Variants in ACACA observed in about 807,000 individuals in gnomAD.
ACACA encodes the protein acetyl-CoA carboxylase 1.
Under a neutral mutation model 296.1 loss-of-function variants are expected in ACACA, and 103 were observed. The observed-to-expected ratio is 0.35, with a 90% CI of 0.30 to 0.41. The LOEUF (loss-of-function observed/expected upper bound fraction) is 0.41. ACACA is among the 10% of genes least tolerant of loss of function. ACACA has a pLI of 1.00. For missense variants in ACACA, 1,554 were observed against 2,989.7 expected (o/e 0.52, Z 11.20); for synonymous variants, 953 against 1,038.6 (o/e 0.92, Z 1.58).
chr17:37,403,921 C>T (rs993908180), intron 1 of ACACA, among the ~76,000 whole-genome samples: 13 of 152,190 alleles, frequency 8.5e-5, no homozygotes, highest in African/African-American at 2.9e-4. Context: ...TACAGGCATG[C>T]GCCACCACAC....
chr17:37,132,725 C>G (rs532823746), intron 45 of ACACA, among the ~76,000 whole-genome samples: 11 of 152,270 alleles, frequency 7.2e-5, no homozygotes, highest in African/African-American at 2.4e-4. Flanking sequence ...CACTTAGAAT[C>G]TTACACATCT....
At chr17:37,184,638 C>A (rs1036407340) in intron 39 of ACACA, among the ~76,000 whole-genome samples, 1 of 152,076 alleles carries the variant, frequency 6.6e-6, no homozygotes, top group African/African-American at 2.4e-5. Context: ...TCCCATGAAT[C>A]CAGGAGTTTG....
chr17:37,288,333 C>G (rs1329953537), intron 3 of ACACA, among the ~76,000 whole-genome samples: 1 of 152,108 alleles, frequency 6.6e-6, no homozygotes, highest in East Asian at 1.9e-4. Flanking sequence ...GGATCATTAT[C>G]AGTGTATCAG....
At chr17:37,140,416 C>T (rs1411889933) in intron 45 of ACACA, among the ~76,000 whole-genome samples, 1 of 151,786 alleles carries the variant, frequency 6.6e-6, no homozygotes, top group Admixed American at 6.6e-5. Context: ...TAAAAATTCC[C>T]CACCTCCTAT....
intron 52 of ACACA, among the ~76,000 whole-genome samples, chr17:37,105,855 ACT>A (rs1283180383): frequency 7.5e-6 from 1 of 133,446 alleles, no homozygotes; most frequent in African/African-American, 3.5e-5. Flanking sequence ...CAAGAGCGAA[ACT>A]CTGTCTCAAA....
chr17:37,103,663 G>A (rs901875859), intron 52 of ACACA, among the ~76,000 whole-genome samples: 1 of 151,974 alleles, frequency 6.6e-6, no homozygotes, highest in Non-Finnish European at 1.5e-5. Context: ...ACTGCCTGAA[G>A]CCAGGATTTC....
chr17:37,124,296 G>C (rs2074671480), intron 48 of ACACA, among the ~76,000 whole-genome samples: 1 of 152,202 alleles, frequency 6.6e-6, no homozygotes, highest in Non-Finnish European at 1.5e-5. Context: ...AATAAACAAT[G>C]ACAGAGCTAA....
intron 8 of ACACA, chr17:37,274,644 T>G: frequency 1.0e-6 from 1 of 985,444 alleles, no homozygotes; most frequent in Non-Finnish European, 1.2e-6. Context: ...TGTTCAGGCC[T>G]GCTCCAGGGC....
chr17:37,304,789 C>CA (rs34671149), intron 3 of ACACA, among the ~76,000 whole-genome samples: 40,876 of 134,734 alleles, frequency 0.3, 6,594 homozygotes, highest in African/African-American at 0.45. Flanking sequence ...AACTCTGTCT[C>CA]AAAAAAAAAA....
intron 1 of ACACA, among the ~76,000 whole-genome samples, chr17:37,381,965 T>C (rs1018302270): frequency 2.6e-5 from 4 of 152,206 alleles, no homozygotes; most frequent in Non-Finnish European, 4.4e-5. Context: ...TATTGATATA[T>C]ATTTTGGTCG....
chr17:37,268,951 CT>C (rs905776159), intron 10 of ACACA, among the ~76,000 whole-genome samples: 9 of 148,216 alleles, frequency 6.1e-5, no homozygotes, highest in African/African-American at 1.5e-4. Flanking sequence ...ATTAACATGC[CT>C]TTTTTTTCTT....
intron 28 of ACACA, 79 bp downstream of exon 28, chr17:37,223,433 T>C: frequency 8.5e-7 from 1 of 1,182,996 alleles, no homozygotes; most frequent in Admixed American, 1.7e-5. Context: ...GAACTAGAAC[T>C]GACATGGCAG....
At chr17:37,296,783 G>A (rs2083356587) in intron 3 of ACACA, among the ~76,000 whole-genome samples, 1 of 151,830 alleles carries the variant, frequency 6.6e-6, no homozygotes, top group Non-Finnish European at 1.5e-5. Context: ...GTAGCACAAT[G>A]TCAGGTCACT....
intron 1 of ACACA, among the ~76,000 whole-genome samples, chr17:37,400,656 T>G (rs2051249955): frequency 6.6e-6 from 1 of 152,200 alleles, no homozygotes; most frequent in African/African-American, 2.4e-5. Context: ...CTTAGCATAA[T>G]GTCCTCCAGG....
At chr17:37,184,320 A>G (rs1778362801) in intron 39 of ACACA, among the ~76,000 whole-genome samples, 1 of 152,206 alleles carries the variant, frequency 6.6e-6, no homozygotes, top group South Asian at 2.1e-4. Flanking sequence ...ATAAAGAACC[A>G]TCTAATATCT....
intron 27 of ACACA, among the ~76,000 whole-genome samples, chr17:37,223,871 G>C (rs1184844765): frequency 2.0e-5 from 3 of 152,200 alleles, no homozygotes; most frequent in African/African-American, 7.2e-5. Flanking sequence ...AAGTGTTTAT[G>C]ACTGTTATTC....
In ACACA at chr17:37,165,836, C is replaced by T. The variant is rs562701812; in HGVS notation, c.5080-3786G>A. On this transcript the variant is annotated intron_variant, in intron 41 of 55. Transcript: ENST00000616317. ...GACTACAGGCATGTGCCACCATACT[C>T]GGCCAATTTTTGCATTTTTTTGTAG... Among the ~76,000 whole-genome samples, 5 of 152,084 alleles carry T rather than the reference C, an allele frequency of 3.3e-5. No individual in the cohort carries two copies. In the South Asian group the frequency reaches 6.2e-4, roughly 19 times the overall value.
intron 1 of ACACA, among the ~76,000 whole-genome samples, chr17:37,379,752 A>C (rs538499861): frequency 6.2e-4 from 93 of 150,580 alleles, no homozygotes; most frequent in African/African-American, 2.2e-3. Flanking sequence ...TTAGAATGGC[A>C]ATCATTAAAA....
At chr17:37,143,751 T>TC (rs2075699568) in intron 45 of ACACA, 5 of 932,192 alleles carry the variant, frequency 5.4e-6, no homozygotes, top group Non-Finnish European at 8.9e-6. Flanking sequence ...TCCTTGTTTT[T>TC]CTTGCTTTTT....
Sources: allele counts gnomAD v4.1 joint callset (sites outside exome capture counted in the v4.1 genomes callset), GRCh38; gene constraint gnomAD v4.1.1; transcripts MANE v1.5; gene names NCBI Gene and HGNC (gene_info 2026-07-23, HGNC 2026-07-21).